Variants in PRIMA1 observed in about 807,000 individuals in gnomAD.
PRIMA1 encodes the protein proline-rich membrane anchor 1.
In PRIMA1, 7 loss-of-function variants were observed where a neutral mutation model predicts 17.5. That is an observed-to-expected ratio of 0.40 (90% confidence interval 0.23 to 0.75). The LOEUF (loss-of-function observed/expected upper bound fraction) is 0.75. PRIMA1 is among the 30% of genes least tolerant of loss of function. The pLI is 0.37. For synonymous variants in PRIMA1, 97 were observed against 77.9 expected (o/e 1.25, Z -1.29); for missense variants, 200 against 201.8 (o/e 0.99, Z 0.05).
At chr14:93,747,117 G>C (rs78984499) in intron 3 of PRIMA1, among the ~76,000 whole-genome samples, 3,781 of 152,260 alleles carry the variant, frequency 0.025, 157 homozygotes, top group African/African-American at 0.087. Flanking sequence ...TAGGCAGAGG[G>C]GAGAAGAGGG....
intron 4 of PRIMA1, among the ~76,000 whole-genome samples, chr14:93,732,866 G>T (rs189922982): frequency 1.3e-5 from 2 of 152,324 alleles, no homozygotes; most frequent in East Asian, 3.9e-4. Flanking sequence ...CTGGGGACTT[G>T]ACTCCCAGTT....
chr14:93,751,731 C>T (rs1361010952), intron 3 of PRIMA1, among the ~76,000 whole-genome samples: 1 of 152,182 alleles, frequency 6.6e-6, no homozygotes, highest in African/African-American at 2.4e-5. Flanking sequence ...AGAAGAATCA[C>T]TGCTGCTCAG....
At chr14:93,728,836 G>A (rs548175873) in intron 4 of PRIMA1, among the ~76,000 whole-genome samples, 3 of 152,284 alleles carry the variant, frequency 2.0e-5, no homozygotes, top group South Asian at 2.1e-4. Context: ...CAAGGATGCC[G>A]GCAGATGAAG....
At chr14:93,758,284 C>T (rs2076304699) in intron 3 of PRIMA1, among the ~76,000 whole-genome samples, 2 of 152,170 alleles carry the variant, frequency 1.3e-5, no homozygotes, top group African/African-American at 4.8e-5. Flanking sequence ...CAAAAAAGTT[C>T]CAGTGAAATA....
intron 3 of PRIMA1, among the ~76,000 whole-genome samples, chr14:93,744,349 C>G (rs532725659): frequency 6.6e-6 from 1 of 152,210 alleles, no homozygotes; most frequent in African/African-American, 2.4e-5. Context: ...CTCAGGGACA[C>G]AAGGGCCGCC....
At chr14:93,782,705 C>G (rs1159127262) in intron 2 of PRIMA1, among the ~76,000 whole-genome samples, 2 of 152,220 alleles carry the variant, frequency 1.3e-5, no homozygotes, top group African/African-American at 4.8e-5. Context: ...AATTGCTTAG[C>G]CAACTGTTCT....
At chr14:93,752,004 G>A (rs2076262487) in intron 3 of PRIMA1, among the ~76,000 whole-genome samples, 1 of 152,134 alleles carries the variant, frequency 6.6e-6, no homozygotes, top group Non-Finnish European at 1.5e-5. Flanking sequence ...GCACAGCACA[G>A]ACCTAGATCA....
intron 4 of PRIMA1, among the ~76,000 whole-genome samples, chr14:93,734,734 CGCCCTGGTGGAGCCCCGCCCCT>C (rs748602146): frequency 5.3e-5 from 8 of 151,702 alleles, no homozygotes; most frequent in Admixed American, 2.6e-4. Context: ...GCCCCGCCCA[CGCCCTGGTGGAGCCCCGCCCCT>C]GCCCCTGGAA....
Position 93,720,946 on chromosome 14 carries a change from G to A in PRIMA1, c.*498C>T, listed in dbSNP as rs546530059. The A allele has an allele frequency of 3.2e-5, 5 of 155,414 alleles. No homozygotes were observed. Among genetic ancestry groups the A allele is most frequent in the South Asian group, 2.0e-4 (1 of 5,014 alleles). The allele number at this position is 155,414 out of a possible 1,614,324, so 9.6% of individuals were successfully genotyped here. A position where few individuals can be genotyped will look rare whatever the true frequency, so the allele number is the denominator to read the frequency against. ...AGATGTGTGGGAAGCACCTTTGAAA[G>A]GGGACGTCTGTCTGCTGGCTGTGCC... is the stretch of plus-strand genomic sequence containing the variant. On this transcript the variant is annotated 3_prime_UTR_variant, in exon 5 of 5. Coordinates refer to ENST00000393140, the MANE Select transcript of PRIMA1 (RefSeq NM_178013.4).
At chr14:93,771,298 A>G (rs4577008) in intron 3 of PRIMA1, among the ~76,000 whole-genome samples, 136,989 of 151,856 alleles carry the variant, frequency 0.9, 62,477 homozygotes, top group Non-Finnish European at 0.96. Flanking sequence ...TCTAAAAAAC[A>G]GAATGCAGTG....
intron 3 of PRIMA1, among the ~76,000 whole-genome samples, chr14:93,745,898 G>A (rs888933553): frequency 6.6e-6 from 1 of 152,170 alleles, no homozygotes; most frequent in African/African-American, 2.4e-5. Context: ...TGTAAGTCGG[G>A]GGAAGGCAAC....
intron 3 of PRIMA1, among the ~76,000 whole-genome samples, chr14:93,747,430 G>A (rs1315871000): frequency 6.6e-6 from 1 of 152,218 alleles, no homozygotes; most frequent in Non-Finnish European, 1.5e-5. Flanking sequence ...AATGGAAATG[G>A]TGGGGATGCA....
At chr14:93,762,334 C>T (rs1382526255) in intron 3 of PRIMA1, among the ~76,000 whole-genome samples, 1 of 152,164 alleles carries the variant, frequency 6.6e-6, no homozygotes, top group African/African-American at 2.4e-5. Flanking sequence ...TCATCAAATC[C>T]CTGCTGGGAT....
intron 3 of PRIMA1, among the ~76,000 whole-genome samples, chr14:93,740,297 T>C (rs1267204212): frequency 6.6e-6 from 1 of 152,214 alleles, no homozygotes; most frequent in Non-Finnish European, 1.5e-5. Context: ...CAAGGCTTTC[T>C]TGGTGAAATA....
chr14:93,755,266 G>A (rs2076283976), intron 3 of PRIMA1, among the ~76,000 whole-genome samples: 1 of 152,184 alleles, frequency 6.6e-6, no homozygotes, highest in Non-Finnish European at 1.5e-5. Context: ...CCCTGCACAC[G>A]CCGGGATGCT....
At chr14:93,756,433 C>A (rs986777611) in intron 3 of PRIMA1, among the ~76,000 whole-genome samples, 4 of 152,144 alleles carry the variant, frequency 2.6e-5, no homozygotes, top group Non-Finnish European at 5.9e-5. Context: ...ATAAATGCAG[C>A]CTTCTTAGGT....
At chr14:93,741,511 C>T (rs2076184106) in intron 3 of PRIMA1, among the ~76,000 whole-genome samples, 1 of 152,222 alleles carries the variant, frequency 6.6e-6, no homozygotes, top group Non-Finnish European at 1.5e-5. Context: ...GCAAACTGAG[C>T]ACCCTCGGTG....
chr14:93,724,242 C>A (rs547659487), intron 4 of PRIMA1, among the ~76,000 whole-genome samples: 2 of 152,186 alleles, frequency 1.3e-5, no homozygotes, highest in Admixed American at 6.5e-5. Context: ...CCTCCACCCC[C>A]CTCTTAGAGA....
At chr14:93,772,851 C>T (rs538806141) in intron 3 of PRIMA1, among the ~76,000 whole-genome samples, 2 of 152,288 alleles carry the variant, frequency 1.3e-5, no homozygotes, top group African/African-American at 4.8e-5. Flanking sequence ...ATGCTGGAAC[C>T]CTGCAGAAGC....
Sources: allele counts gnomAD v4.1 joint callset (sites outside exome capture counted in the v4.1 genomes callset), GRCh38; gene constraint gnomAD v4.1.1; transcripts MANE v1.5; gene names NCBI Gene and HGNC (gene_info 2026-07-23, HGNC 2026-07-21).